Variants in ST3GAL3 observed in about 807,000 individuals in gnomAD.
The protein encoded by ST3GAL3 is CMP-N-acetylneuraminate-beta-1,4-galactoside alpha-2,3-sialyltransferase.
A neutral mutation model predicts 50.1 loss-of-function variants in ST3GAL3; 21 were observed. The ratio of observed to expected loss-of-function variants is 0.42; its 90% CI spans 0.30 to 0.60. ST3GAL3 has a LOEUF of 0.60. Ranked by LOEUF, ST3GAL3 falls within the 20% of genes least tolerant of loss-of-function variation. ST3GAL3 has a pLI of 0.19. For synonymous variants in ST3GAL3, 183 were observed against 190.0 expected (o/e 0.96, Z 0.30); for missense variants, 353 against 489.4 (o/e 0.72, Z 2.63).
At chr1:43,754,276 T>A (rs1459448983) in intron 2 of ST3GAL3, among the ~76,000 whole-genome samples, 1 of 152,208 alleles carries the variant, frequency 6.6e-6, no homozygotes, top group Non-Finnish European at 1.5e-5. Context: ...CACTGCATCC[T>A]CTGCCTCCTA....
chr1:43,913,626 C>T, intron 9 of ST3GAL3: 1 of 152,062 alleles, frequency 6.6e-6, no homozygotes, highest in East Asian at 1.9e-4. Flanking sequence ...AATGCCCAAA[C>T]CATATCTTGG....
At chr1:43,785,659 C>T (rs2057223763) in intron 2 of ST3GAL3, among the ~76,000 whole-genome samples, 1 of 152,064 alleles carries the variant, frequency 6.6e-6, no homozygotes, top group Non-Finnish European at 1.5e-5. Context: ...CTAATGTGGG[C>T]GCTAGGGCCC....
intron 3 of ST3GAL3, chr1:43,801,460 A>C: frequency 2.3e-6 from 1 of 437,676 alleles, no homozygotes; most frequent in Non-Finnish European, 4.6e-6. Flanking sequence ...ACCTGGCTTC[A>C]GGAACCTTCA....
intron 5 of ST3GAL3, among the ~76,000 whole-genome samples, chr1:43,844,695 C>T (rs918268240): frequency 2.6e-5 from 4 of 152,062 alleles, no homozygotes; most frequent in Admixed American, 6.5e-5. Flanking sequence ...ACTACGGTGG[C>T]GGGCGCCTGT....
At chr1:43,833,795 G>T (rs1056495476) in intron 4 of ST3GAL3, among the ~76,000 whole-genome samples, 1 of 152,164 alleles carries the variant, frequency 6.6e-6, no homozygotes, top group Non-Finnish European at 1.5e-5. Flanking sequence ...TCCACAGGGG[G>T]ATGGGTTCTA....
intron 5 of ST3GAL3, among the ~76,000 whole-genome samples, chr1:43,867,511 G>A (rs2071624793): frequency 6.6e-6 from 1 of 152,234 alleles, no homozygotes; most frequent in African/African-American, 2.4e-5. Context: ...GGGGTTCCCA[G>A]GGAGAGGTCA....
intron 5 of ST3GAL3, among the ~76,000 whole-genome samples, chr1:43,891,241 TC>T (rs1223853740): frequency 6.6e-6 from 1 of 152,194 alleles, no homozygotes; most frequent in African/African-American, 2.4e-5. Flanking sequence ...TTGAAAAGAC[TC>T]CACTGGCCAA....
intron 5 of ST3GAL3, among the ~76,000 whole-genome samples, chr1:43,882,672 G>A (rs1274528338): frequency 6.6e-6 from 1 of 152,178 alleles, no homozygotes; most frequent in Non-Finnish European, 1.5e-5. Flanking sequence ...GGGCCATATA[G>A]TCTCTGTCAC....
intron 2 of ST3GAL3, chr1:43,771,805 T>G (rs941711082): frequency 2.5e-6 from 1 of 397,348 alleles, no homozygotes; most frequent in Non-Finnish European, 4.4e-6. Flanking sequence ...ATGGTTGTTA[T>G]AGTTGTGATG....
chr1:43,792,269 A>G, intron 3 of ST3GAL3, 120 bp downstream of exon 3: 1 of 1,281,500 alleles, frequency 7.8e-7, no homozygotes, highest in South Asian at 1.2e-5. Flanking sequence ...AATTGGGGGA[A>G]GTCTCAAGAA....
At chr1:43,846,414 T>G (rs2066266530) in intron 5 of ST3GAL3, among the ~76,000 whole-genome samples, 1 of 152,226 alleles carries the variant, frequency 6.6e-6, no homozygotes, top group Non-Finnish European at 1.5e-5. Flanking sequence ...AATAAACCAC[T>G]CTGGCCTTTA....
chr1:43,833,743 A>G (rs1003965512), intron 4 of ST3GAL3, among the ~76,000 whole-genome samples: 3 of 152,158 alleles, frequency 2.0e-5, no homozygotes, highest in Non-Finnish European at 4.4e-5. Flanking sequence ...TGGGGGAACA[A>G]GTGAGCAAGT....
At chr1:43,735,578 T>C (rs964595867) in intron 1 of ST3GAL3, among the ~76,000 whole-genome samples, 1 of 152,174 alleles carries the variant, frequency 6.6e-6, no homozygotes, top group Non-Finnish European at 1.5e-5. Context: ...TGAGTGAGCA[T>C]GGAAGTGGAT....
intron 1 of ST3GAL3, chr1:43,727,357 AG>A (rs1287551215): frequency 1.3e-5 from 2 of 152,208 alleles, no homozygotes; most frequent in African/African-American, 4.8e-5. Flanking sequence ...GAGCAAAACC[AG>A]ACACAATTTC....
chr1:43,837,463 A>G (rs746879051), intron 4 of ST3GAL3, among the ~76,000 whole-genome samples: 1 of 152,214 alleles, frequency 6.6e-6, no homozygotes, highest in Non-Finnish European at 1.5e-5. Flanking sequence ...CTACTGGGGA[A>G]TGGTTCCCAC....
chr1:43,899,428 G>A lies in ST3GAL3; in HGVS notation c.558-113G>A, dbSNP rs1054588277. On this transcript the variant is annotated intron_variant, in intron 8 of 11. Coordinates refer to ENST00000347631, the MANE Select transcript of ST3GAL3 (RefSeq NM_006279.5). This position sits in a 1 kb window ranked among gnomAD's most constrained non-coding sequence, Gnocchi z 5.4. ...ACAGACAACTAGCGGGGGCACCTGG[G>A]GAGAATAGGTCCAGGTGACCTGGAC... 4 of 1,571,964 alleles carry A rather than the reference G, an allele frequency of 2.5e-6. No individual in the cohort carries two copies. The highest frequency in any genetic ancestry group is 3.5e-6 in the Non-Finnish European group (4 of 1,156,170).
At position 43,792,165 on chromosome 1, in the gene ST3GAL3, C is replaced by T; in HGVS notation, c.166+16C>T. 6.2e-7 allele frequency: 1 copy of T among 1,614,192 alleles called. No individual in the cohort carries two copies. Among genetic ancestry groups the T allele is most frequent in the Non-Finnish European group, 8.5e-7 (1 of 1,180,014 alleles). Reference sequence around the variant, plus strand: ...CTAGGCTCAGGTACCAACTCTTCCCCCTCTATCATCTTTTTGGCCTTCAAT... The same window carrying T: ...CTAGGCTCAGGTACCAACTCTTCCCTCTCTATCATCTTTTTGGCCTTCAAT... On this transcript the variant is annotated intron_variant, in intron 3 of 11. Transcript: ENST00000347631.
chr1:43,806,463 G>A (rs2059898511), intron 3 of ST3GAL3, among the ~76,000 whole-genome samples: 1 of 152,056 alleles, frequency 6.6e-6, no homozygotes, highest in Admixed American at 6.5e-5. Flanking sequence ...GGGGAACAGG[G>A]TCTGCATGTA....
intron 5 of ST3GAL3, among the ~76,000 whole-genome samples, chr1:43,882,058 A>G (rs558471152): frequency 6.5e-4 from 99 of 152,328 alleles, no homozygotes; most frequent in Non-Finnish European, 1.1e-3. Flanking sequence ...CTGCGGGGGA[A>G]CTGGGCAATA....
Sources: allele counts gnomAD v4.1 joint callset (sites outside exome capture counted in the v4.1 genomes callset), GRCh38; gene constraint gnomAD v4.1.1; non-coding constraint Gnocchi (gnomAD v3.1); transcripts MANE v1.5; gene names NCBI Gene and HGNC (gene_info 2026-07-23, HGNC 2026-07-21).